The following NXN variants were observed in gnomAD, a reference collection of about 807,000 sequenced individuals.
NXN encodes nucleoredoxin 1.
Under a neutral mutation model 48.6 loss-of-function variants are expected in NXN, and 16 were observed. The observed-to-expected ratio is 0.33, with a 90% CI of 0.22 to 0.50. The LOEUF is 0.50. NXN is among the 20% of genes least tolerant of loss of function. NXN has a pLI of 0.98. For synonymous variants in NXN, 281 were observed against 269.6 expected (o/e 1.04, Z -0.41); for missense variants, 492 against 605.5 (o/e 0.81, Z 1.97).
intron 1 of NXN, among the ~76,000 whole-genome samples, chr17:837,395 G>T (rs568541928): frequency 1.3e-5 from 2 of 152,304 alleles, no homozygotes; most frequent in South Asian, 4.1e-4. Flanking sequence ...TTTGGCCCAT[G>T]ACTGCAATCC....
At chr17:871,003 C>A (rs1272242645) in intron 1 of NXN, among the ~76,000 whole-genome samples, 1 of 151,470 alleles carries the variant, frequency 6.6e-6, no homozygotes, top group Non-Finnish European at 1.5e-5. Flanking sequence ...GGACTACAGG[C>A]GCCCGCCATC....
At position 880,843 on chromosome 17, in the gene NXN, A is replaced by G. The variant is rs139269165; in HGVS notation, c.361-54765T>C. Among the ~76,000 whole-genome samples, 426 of 152,272 alleles carry G rather than the reference A, an allele frequency of 2.8e-3. 1 individual carries two copies. Among genetic ancestry groups the G allele is most frequent in the Admixed American group, 4.3e-3 (66 of 15,292 alleles). ...GAAGGACAGATACTTCCAAGCAGAC[A>G]CTAAGTAATGCAGTTGGTTTGATAA... On this transcript the variant is annotated intron_variant, in intron 1 of 7. Coordinates refer to ENST00000336868, the MANE Select transcript of NXN (RefSeq NM_022463.5).
At chr17:955,065 G>A (rs946648429) in intron 1 of NXN, among the ~76,000 whole-genome samples, 34 of 152,126 alleles carry the variant, frequency 2.2e-4, no homozygotes, top group Middle Eastern at 3.2e-3. Flanking sequence ...CCCCCGCGAC[G>A]GGGAGAGTGG....
intron 1 of NXN, among the ~76,000 whole-genome samples, chr17:924,625 G>T (rs533653380): frequency 1.3e-5 from 2 of 152,272 alleles, no homozygotes; most frequent in Non-Finnish European, 2.9e-5. Flanking sequence ...GCAGCATTAG[G>T]TGCATCTCCT....
At chr17:962,143 A>T (rs1396534526) in intron 1 of NXN, among the ~76,000 whole-genome samples, 1 of 152,216 alleles carries the variant, frequency 6.6e-6, no homozygotes, top group Non-Finnish European at 1.5e-5. Context: ...CAAGAAAAGA[A>T]GAAAAGAAGG....
At chr17:873,672 A>G (rs1330370784) in intron 1 of NXN, among the ~76,000 whole-genome samples, 1 of 152,086 alleles carries the variant, frequency 6.6e-6, no homozygotes. Flanking sequence ...AAGTTCTGGA[A>G]GCTTTGTGCA....
At chr17:909,038 G>T (rs1215848170) in intron 1 of NXN, among the ~76,000 whole-genome samples, 1 of 145,308 alleles carries the variant, frequency 6.9e-6, no homozygotes, top group African/African-American at 2.6e-5. Context: ...GGCAGAGGTC[G>T]CAGTGAGTCG....
At chr17:928,469 A>G (rs2068822867) in intron 1 of NXN, among the ~76,000 whole-genome samples, 1 of 152,170 alleles carries the variant, frequency 6.6e-6, no homozygotes, top group Non-Finnish European at 1.5e-5. Context: ...ACCTAGAGGG[A>G]AGTTTCTCAC....
At chr17:905,921 G>A (rs1194671479) in intron 1 of NXN, among the ~76,000 whole-genome samples, 1 of 150,742 alleles carries the variant, frequency 6.6e-6, no homozygotes, top group African/African-American at 2.4e-5. Context: ...AGGTCGCAGT[G>A]AGCCACAATC....
At chr17:832,213 T>C (rs886281532) in intron 1 of NXN, among the ~76,000 whole-genome samples, 1 of 152,076 alleles carries the variant, frequency 6.6e-6, no homozygotes. Context: ...AGTCTCGCTC[T>C]GTCACCCAGG....
At chr17:906,635 C>T (rs1380243764) in intron 1 of NXN, among the ~76,000 whole-genome samples, 4 of 151,420 alleles carry the variant, frequency 2.6e-5, no homozygotes, top group Non-Finnish European at 5.9e-5. Context: ...ACTGCAATCT[C>T]GGCTCCCTGC....
At chr17:834,066 T>A (rs1913649229) in intron 1 of NXN, among the ~76,000 whole-genome samples, 1 of 152,130 alleles carries the variant, frequency 6.6e-6, no homozygotes, top group Non-Finnish European at 1.5e-5. Flanking sequence ...ACGCCTGGAA[T>A]CCCAGCACTC....
chr17:847,293 A>G (rs949698132), intron 1 of NXN, among the ~76,000 whole-genome samples: 1 of 151,634 alleles, frequency 6.6e-6, no homozygotes, highest in Non-Finnish European at 1.5e-5. Context: ...GTGCCCAGTT[A>G]TAAACCCCGT....
chr17:896,530 G>A (rs371774509), intron 1 of NXN, among the ~76,000 whole-genome samples: 13 of 152,228 alleles, frequency 8.5e-5, no homozygotes, highest in Admixed American at 5.9e-4. Flanking sequence ...AAAAAACAAG[G>A]AAGTAGAACT....
rs569117404 is a variant in NXN, at chr17:832,952, G to T, written c.361-6874C>A. On this transcript the variant is annotated intron_variant, in intron 1 of 7. Transcript: ENST00000336868. ...GTCCCCCAGGCTGGAGTGCAGTGGC[G>T]CGATCTCAGTTCACTGCAAGCTCCG... Among the ~76,000 whole-genome samples, 6 of 152,160 alleles carry T rather than the reference G, an allele frequency of 3.9e-5. No individual in the cohort carries two copies. In the South Asian group the frequency reaches 1.2e-3, roughly 32 times the overall value.
intron 1 of NXN, among the ~76,000 whole-genome samples, chr17:826,665 C>CCCCTCAGCCCTTCACCAGGT (rs1220033606): frequency 2.6e-5 from 4 of 152,194 alleles, no homozygotes; most frequent in African/African-American, 7.2e-5. Flanking sequence ...TAACATCTGC[C>CCCCTCAGCCCTTCACCAGGT]CCCTCAGCCC....
chr17:841,684 C>CCACGGCG lies in NXN; in HGVS notation c.361-15607_361-15606insCGCCGTG, dbSNP rs1567828221. ...ACGCCGGCGAGCAGGTCCACCCTGA[C>CCACGGCG]CATGGCACATCTCACGCCGGTGAGC... On this transcript the variant is annotated intron_variant, in intron 1 of 7. Coordinates refer to ENST00000336868, the MANE Select transcript of NXN (RefSeq NM_022463.5). Among the ~76,000 whole-genome samples the CCACGGCG allele has an allele frequency of 1.5e-4, 20 of 137,284 alleles. 1 individual carries two copies. Among genetic ancestry groups the CCACGGCG allele is most frequent in the Non-Finnish European group, 2.5e-4 (16 of 63,914 alleles). 90.1% of individuals were successfully genotyped at this position (137,284 alleles called of 152,430 possible).
chr17:950,703 C>T (rs2069099461), intron 1 of NXN, among the ~76,000 whole-genome samples: 1 of 152,054 alleles, frequency 6.6e-6, no homozygotes, highest in Non-Finnish European at 1.5e-5. Flanking sequence ...ACTCACATTC[C>T]ACTATAAGGA....
At chr17:833,779 TGAGA>T (rs755823862) in intron 1 of NXN, among the ~76,000 whole-genome samples, 2 of 152,138 alleles carry the variant, frequency 1.3e-5, no homozygotes, top group African/African-American at 4.8e-5. Context: ...TTGATTCAAC[TGAGA>T]GAGAGATAAT....
Sources: gnomAD v4.1 joint callset for allele counts (sites outside exome capture counted in the v4.1 genomes callset) on GRCh38, gnomAD v4.1.1 for gene constraint, MANE v1.5 for transcripts, NCBI Gene and HGNC (gene_info 2026-07-23, HGNC 2026-07-21) for gene names.